Variants in ZNF490 observed in about 807,000 individuals in gnomAD.
The protein encoded by ZNF490 is zinc finger protein 490.
A neutral mutation model predicts 17.7 loss-of-function variants in ZNF490; 11 were observed. That is an observed-to-expected ratio of 0.62 (90% CI 0.39 to 1.03). ZNF490 has a LOEUF of 1.03. ZNF490 is among the 50% of genes least tolerant of loss of function. The pLI is 0.00. For synonymous variants in ZNF490, 222 were observed against 216.1 expected (o/e 1.03, Z -0.24); for missense variants, 542 against 643.4 (o/e 0.84, Z 1.71).
intron 2 of ZNF490, among the ~76,000 whole-genome samples, chr19:12,591,832 CA>C (rs796408387): frequency 0.091 from 9,758 of 106,664 alleles, 1,033 homozygotes; most frequent in African/African-American, 0.29. Context: ...CAGACAGTTA[CA>C]AAAAAAAAAA....
intron 2 of ZNF490, among the ~76,000 whole-genome samples, chr19:12,603,467 G>T (rs1203603721): frequency 1.3e-5 from 2 of 151,958 alleles, no homozygotes; most frequent in African/African-American, 2.4e-5. Context: ...CAGCCTAGGT[G>T]ACAGAGTAAG....
In ZNF490 at chr19:12,580,119, A is replaced by C; in HGVS notation, c.*366T>G. 1 of 1,006,244 alleles carries C rather than the reference A, an allele frequency of 9.9e-7. No homozygotes were observed. Among genetic ancestry groups the C allele is most frequent in the Non-Finnish European group, 1.2e-6 (1 of 843,744 alleles). 62.3% of individuals were successfully genotyped at this position (1,006,244 alleles called of 1,614,324 possible). A position where few individuals can be genotyped will look rare whatever the true frequency, so the allele number is the denominator to read the frequency against. On this transcript the variant is annotated 3_prime_UTR_variant, in exon 5 of 5. Coordinates refer to ENST00000311437, the MANE Select transcript of ZNF490 (RefSeq NM_020714.3). Reference sequence around the variant, plus strand: ...CAAAATTACATCTCAACAAAAACAAAAACAAAAAACAAACCCCACAAAAGA... The same window carrying C: ...CAAAATTACATCTCAACAAAAACAACAACAAAAAACAAACCCCACAAAAGA...
chr19:12,589,905 TG>T (rs2022847608), intron 2 of ZNF490, among the ~76,000 whole-genome samples: 5 of 123,344 alleles, frequency 4.1e-5, no homozygotes, highest in African/African-American at 1.1e-4. Flanking sequence ...TATGTATGTA[TG>T]TATGTATTTA....
At chr19:12,582,585 A>G (rs1366427852) in intron 4 of ZNF490, among the ~76,000 whole-genome samples, 1 of 151,664 alleles carries the variant, frequency 6.6e-6, no homozygotes, top group African/African-American at 2.4e-5. Flanking sequence ...TAGTAGAGAC[A>G]GGGTTTCATC....
chr19:12,576,430 T>G lies in ZNF490; in HGVS notation c.*4055A>C, dbSNP rs1477891333. On this transcript the variant is annotated 3_prime_UTR_variant, in exon 5 of 5. Coordinates refer to ENST00000311437, the MANE Select transcript of ZNF490 (RefSeq NM_020714.3). ...CTGAAACAGGAGAATTGCTTGAACC[T>G]GGGAGGCAGAGATTGCAGTGAGCCG... Among the ~76,000 whole-genome samples the G allele has an allele frequency of 6.6e-6, 1 of 150,780 alleles. No homozygotes were observed. The highest frequency in any genetic ancestry group is 1.5e-5 in the Non-Finnish European group (1 of 67,740).
At chr19:12,588,286 C>T (rs985000748) in intron 2 of ZNF490, among the ~76,000 whole-genome samples, 11 of 152,174 alleles carry the variant, frequency 7.2e-5, no homozygotes, top group Admixed American at 1.3e-4. Flanking sequence ...CATGAACCAC[C>T]ATGCCCGGCC....
rs545025218 is a variant in ZNF490, at chr19:12,587,931, G to A, written c.163-4375C>T. Among the ~76,000 whole-genome samples, 3 of 93,948 alleles carry A rather than the reference G, an allele frequency of 3.2e-5. 1 individual carries two copies. The highest frequency in any genetic ancestry group is 9.9e-5 in the Admixed American group (1 of 10,086). The allele number at this position is 93,948 out of a possible 152,430, so 61.6% of individuals were successfully genotyped here. ...GTTGCCCAGGCTGGAGTGCGATGGC[G>A]CAATCTCGGCTCGCTACAACCTCCG... On this transcript the variant is annotated intron_variant, in intron 2 of 4. Coordinates refer to ENST00000311437, the MANE Select transcript of ZNF490 (RefSeq NM_020714.3).
chr19:12,581,773 T>C (rs2022738577), intron 4 of ZNF490, 49 bp from the exon 5 acceptor site: 1 of 1,436,256 alleles, frequency 7.0e-7, no homozygotes, highest in East Asian at 2.3e-5. Context: ...TTAATGATCT[T>C]ATATTTATTA....
chr19:12,595,823 G>A (rs188130022), intron 2 of ZNF490, among the ~76,000 whole-genome samples: 39 of 152,180 alleles, frequency 2.6e-4, no homozygotes, highest in African/African-American at 9.4e-4. Context: ...GTTGGCAGGT[G>A]ACTGTAATCC....
chr19:12,594,922 T>A (rs1450366086), intron 2 of ZNF490, among the ~76,000 whole-genome samples: 1 of 152,176 alleles, frequency 6.6e-6, no homozygotes, highest in East Asian at 1.9e-4. Flanking sequence ...CATGAATGAT[T>A]GTCAGTTAGT....
intron 2 of ZNF490, among the ~76,000 whole-genome samples, chr19:12,589,314 G>A (rs1032515005): frequency 1.2e-4 from 18 of 152,070 alleles, no homozygotes; most frequent in Non-Finnish European, 2.4e-4. Flanking sequence ...CCCAGATCGC[G>A]CCATCACACT....
chr19:12,610,411 G>A (rs1266174422), intron 1 of ZNF490, among the ~76,000 whole-genome samples, 153 bp downstream of exon 1: 1 of 151,728 alleles, frequency 6.6e-6, no homozygotes, highest in East Asian at 1.9e-4. Context: ...TGTGGAGGTG[G>A]GGAAAAGAAA....
chr19:12,597,175 G>C (rs978347906), intron 2 of ZNF490: 1 of 459,344 alleles, frequency 2.2e-6, no homozygotes, highest in Admixed American at 2.3e-5. Context: ...GAGGCTCCAG[G>C]AGTCCTCCCT....
chr19:12,580,091 G>A lies in ZNF490; in HGVS notation c.*394C>T, dbSNP rs1240069025. The A allele has an allele frequency of 6.9e-5, 68 of 978,520 alleles. No homozygotes were observed. Among genetic ancestry groups the A allele is most frequent in the Non-Finnish European group, 7.8e-5 (64 of 821,904 alleles). 60.6% of individuals were successfully genotyped at this position (978,520 alleles called of 1,614,324 possible). The stretch of plus-strand genomic sequence containing the variant: ...CACTGCACTCCAGCCTGGGCAACAA[G>A]AGCAAAATTACATCTCAACAAAAAC... On this transcript the variant is annotated 3_prime_UTR_variant, in exon 5 of 5. Transcript: ENST00000311437.
At position 12,582,870 on chromosome 19, in the gene ZNF490, T is replaced by C. The variant is rs1177609225; in HGVS notation, c.330A>G (p.Lys110=). The change falls in exon 4 of 5, where the codon AAA becomes AAG. Residue 110 remains lysine, a synonymous_variant. Transcript: ENST00000311437. ...CTCACCTTAGATTTCTTCCCTGGTT[T>C]TTGTGTTCATCTTCAATATCCTGGT... ...WKDQDIEDEH[K]NQGRNLRSPM... is the part of the protein sequence containing the mutation. 6.2e-7 allele frequency: 1 copy of C among 1,613,306 alleles called. No homozygotes were observed. Among genetic ancestry groups the C allele is most frequent in the South Asian group, 1.1e-5 (1 of 90,886 alleles).
chr19:12,599,619 C>T (rs1457057689), intron 2 of ZNF490, among the ~76,000 whole-genome samples: 3 of 152,016 alleles, frequency 2.0e-5, no homozygotes, highest in African/African-American at 7.3e-5. Flanking sequence ...AGGTTTTTCA[C>T]CAAAAGTAAA....
At chr19:12,583,811 A>ATATATATT (rs1290469134) in intron 2 of ZNF490, among the ~76,000 whole-genome samples, 2 of 78,656 alleles carry the variant, frequency 2.5e-5, no homozygotes, top group Non-Finnish European at 4.6e-5. Flanking sequence ...ATATATATAT[A>ATATATATT]TTTTTTTTTT....
chr19:12,587,756 C>T (rs548823243), intron 2 of ZNF490, among the ~76,000 whole-genome samples: 1 of 93,054 alleles, frequency 1.1e-5, no homozygotes, highest in Admixed American at 1.0e-4. Context: ...AGTGCAGTGG[C>T]GCAATCTTGG....
At position 12,590,214 on chromosome 19, in the gene ZNF490, CT is replaced by C. The variant is rs1264828770; in HGVS notation, c.163-6659del. Among the ~76,000 whole-genome samples the C allele has an allele frequency of 5.9e-3, 851 of 144,664 alleles. 6 individuals are homozygous for C. The highest frequency in any genetic ancestry group is 9.7e-3 in the Admixed American group (138 of 14,278). The allele number at this position is 144,664 out of a possible 152,430, so 94.9% of individuals were successfully genotyped here. ...ACAGGCATGAGCCACCATGCCTGGC[CT>C]TTTTTTTTTTTTCTTTGAGATGGAG... On this transcript the variant is annotated intron_variant, in intron 2 of 4. Coordinates refer to ENST00000311437, the MANE Select transcript of ZNF490 (RefSeq NM_020714.3).
Sources: gnomAD v4.1 joint callset for allele counts (sites outside exome capture counted in the v4.1 genomes callset) on GRCh38, gnomAD v4.1.1 for gene constraint, MANE v1.5 for transcripts, NCBI Gene and HGNC (gene_info 2026-07-23, HGNC 2026-07-21) for gene names.